TNNI3K: variants seen among roughly 807,000 people sequenced by gnomAD.
TNNI3K encodes the protein serine/threonine-protein kinase TNNI3K.
Under a neutral mutation model 114.5 loss-of-function variants are expected in TNNI3K, and 140 were observed. That is an observed-to-expected ratio of 1.22 (90% CI 1.07 to 1.41). The LOEUF (loss-of-function observed/expected upper bound fraction) is 1.41, where lower values mean the gene tolerates loss of function less well. TNNI3K is among the 40% of genes most tolerant of loss of function. The pLI, the probability that TNNI3K is intolerant of heterozygous loss-of-function variation, is 0.00. For missense variants in TNNI3K, 1,125 were observed against 1,007.6 expected (o/e 1.12, Z -1.58); for synonymous variants, 347 against 347.5 (o/e 1.00, Z 0.02).
At chr1:74,236,300 A>G in intron 2 of TNNI3K, 90 bp downstream of exon 2, 1 of 1,139,414 alleles carries the variant, frequency 8.8e-7, no homozygotes, top group African/African-American at 1.6e-5. Flanking sequence ...TTAAACCCGT[A>G]GAACCTCAGA....
intron 20 of TNNI3K, among the ~76,000 whole-genome samples, chr1:74,445,485 C>T (rs1157570226): frequency 2.7e-4 from 39 of 145,230 alleles, no homozygotes; most frequent in African/African-American, 9.2e-4. Context: ...GTTTTTTGTT[C>T]TTGCGATAGT....
chr1:74,459,011 T>C (rs1206359343), intron 20 of TNNI3K, among the ~76,000 whole-genome samples: 1 of 152,182 alleles, frequency 6.6e-6, no homozygotes, highest in African/African-American at 2.4e-5. Context: ...CATGTGTTAT[T>C]TGGTTTTCTG....
intron 17 of TNNI3K, among the ~76,000 whole-genome samples, chr1:74,399,691 C>A (rs2100587887): frequency 6.6e-6 from 1 of 152,262 alleles, no homozygotes; most frequent in Admixed American, 6.5e-5. Flanking sequence ...ACCCTTAAAG[C>A]TAACCCTAAG....
At chr1:74,310,028 C>G (rs1332570034) in intron 5 of TNNI3K, among the ~76,000 whole-genome samples, 3 of 152,246 alleles carry the variant, frequency 2.0e-5, no homozygotes, top group East Asian at 3.9e-4. Flanking sequence ...TATCTCTGTT[C>G]ACTGACCATA....
At chr1:74,242,693 C>T (rs1228028122) in intron 2 of TNNI3K, among the ~76,000 whole-genome samples, 1 of 152,194 alleles carries the variant, frequency 6.6e-6, no homozygotes, top group Non-Finnish European at 1.5e-5. Flanking sequence ...AAAAAAAACC[C>T]TCAAATCCAA....
chr1:74,439,722 A>T, intron 20 of TNNI3K, 100 bp downstream of exon 20: 1 of 1,515,632 alleles, frequency 6.6e-7, no homozygotes, highest in Non-Finnish European at 8.9e-7. Flanking sequence ...AGTCTCAGTG[A>T]GATGGCAAAA....
At chr1:74,483,377 T>C (rs575684930) in intron 21 of TNNI3K, 3 of 716,966 alleles carry the variant, frequency 4.2e-6, no homozygotes. Context: ...GCCATCCACC[T>C]GAAAGGAAAG....
At chr1:74,394,418 A>G (rs1332281313) in intron 17 of TNNI3K, among the ~76,000 whole-genome samples, 1 of 152,198 alleles carries the variant, frequency 6.6e-6, no homozygotes, top group Non-Finnish European at 1.5e-5. Flanking sequence ...ATATGAAGGA[A>G]ATAATGTATA....
intron 2 of TNNI3K, among the ~76,000 whole-genome samples, chr1:74,241,433 C>G (rs1044258583): frequency 5.3e-5 from 8 of 152,204 alleles, no homozygotes; most frequent in African/African-American, 9.7e-5. Context: ...ACATCCTCTC[C>G]AGCACCTGTT....
chr1:74,414,178 A>T (rs1444427396), intron 17 of TNNI3K, among the ~76,000 whole-genome samples: 1 of 152,162 alleles, frequency 6.6e-6, no homozygotes, highest in East Asian at 1.9e-4. Context: ...ACTTGAAAAT[A>T]TTCTGTCCAT....
chr1:74,433,456 T>C (rs1665983624), intron 17 of TNNI3K, among the ~76,000 whole-genome samples: 1 of 152,112 alleles, frequency 6.6e-6, no homozygotes, highest in Non-Finnish European at 1.5e-5. Flanking sequence ...TTAGAGATGG[T>C]ATTACAATTT....
chr1:74,270,296 A>G (rs1656261963), intron 4 of TNNI3K, among the ~76,000 whole-genome samples: 1 of 151,804 alleles, frequency 6.6e-6, no homozygotes, highest in South Asian at 2.1e-4. Context: ...CTGTCAACAG[A>G]TTCAATATCT....
intron 17 of TNNI3K, among the ~76,000 whole-genome samples, chr1:74,386,518 A>G (rs1663487771): frequency 6.6e-6 from 1 of 152,164 alleles, no homozygotes; most frequent in African/African-American, 2.4e-5. Flanking sequence ...AAAAAATACA[A>G]TAAATTAATT....
Position 74,497,696 on chromosome 1 carries a change from TTAA to T in TNNI3K, c.2351+5431_2351+5433del, listed in dbSNP as rs545898830. ...CTGCTTCCTAGCGTTTGCAACATCT[TTAA>T]CTTCTCTCCTGTTCCAGCTTCCTCA... On this transcript the variant is annotated intron_variant, in intron 23 of 24. Coordinates refer to ENST00000326637, the MANE Select transcript of TNNI3K (RefSeq NM_015978.3). 9.9e-5 allele frequency among the ~76,000 whole-genome samples: 15 copies of T among 152,220 alleles called. No homozygotes were observed. In the East Asian group the frequency reaches 2.9e-3, roughly 29 times the overall value.
chr1:74,300,706 C>T (rs917013075), intron 5 of TNNI3K, among the ~76,000 whole-genome samples: 12 of 152,166 alleles, frequency 7.9e-5, no homozygotes, highest in African/African-American at 2.4e-4. Flanking sequence ...CATTGTATTT[C>T]GTGCATAGAC....
intron 9 of TNNI3K, among the ~76,000 whole-genome samples, chr1:74,346,584 G>C (rs943682203): frequency 6.6e-6 from 1 of 151,112 alleles, no homozygotes; most frequent in Non-Finnish European, 1.5e-5. Flanking sequence ...TTTAGCCTTT[G>C]TAGATGGTGC....
At chr1:74,391,412 T>C (rs1663764107) in intron 17 of TNNI3K, among the ~76,000 whole-genome samples, 1 of 152,032 alleles carries the variant, frequency 6.6e-6, no homozygotes, top group African/African-American at 2.4e-5. Flanking sequence ...TGGGTTTTGT[T>C]TGTTTGTTCG....
chr1:74,296,046 C>T (rs894161170), intron 5 of TNNI3K, among the ~76,000 whole-genome samples: 2 of 152,020 alleles, frequency 1.3e-5, no homozygotes, highest in East Asian at 1.9e-4. Flanking sequence ...GAGTCCAAGG[C>T]GGGCGGATCA....
intron 21 of TNNI3K, among the ~76,000 whole-genome samples, chr1:74,476,397 C>T (rs1668209201): frequency 6.6e-6 from 1 of 152,054 alleles, no homozygotes; most frequent in African/African-American, 2.4e-5. Context: ...AATGATTTCC[C>T]TTGTTTTTTC....
Sources: allele counts gnomAD v4.1 joint callset (sites outside exome capture counted in the v4.1 genomes callset), GRCh38; gene constraint gnomAD v4.1.1; transcripts MANE v1.5; gene names NCBI Gene and HGNC (gene_info 2026-07-23, HGNC 2026-07-21).